SCAI: variants seen among roughly 807,000 people sequenced by gnomAD.
The protein encoded by SCAI is protein SCAI.
In SCAI, 24 loss-of-function variants were observed where a neutral mutation model predicts 92.2. That is an observed-to-expected ratio of 0.26 (90% confidence interval 0.19 to 0.37). The LOEUF (loss-of-function observed/expected upper bound fraction) is 0.37. SCAI is among the 10% of genes least tolerant of loss of function. The probability of loss-of-function intolerance (pLI) is 1.00; values close to 1 mark genes in which losing one functional copy is unlikely to be tolerated. For missense variants in SCAI, 450 were observed against 736.2 expected, an observed-to-expected ratio of 0.61 and a Z score of 4.50; for synonymous variants, 261 against 258.6, an observed-to-expected ratio of 1.01 and a Z score of -0.09.
chr9:125,044,696 C>T (rs551977906), intron 3 of SCAI, among the ~76,000 whole-genome samples: 1 of 152,270 alleles, frequency 6.6e-6, no homozygotes, highest in South Asian at 2.1e-4. Flanking sequence ...GAAACATGCC[C>T]CCTTGCTCGC....
At position 125,103,147 on chromosome 9, in the gene SCAI, T is replaced by C. The variant is rs573381173; in HGVS notation, c.98+39486A>G. On this transcript the variant is annotated intron_variant, in intron 2 of 17. Transcript: ENST00000336505. ...GACATCACCTAGTGCTGAAAATATT[T>C]TTAAATGAACTCCTGAAGAAACTTT... Among the ~76,000 whole-genome samples the C allele has an allele frequency of 5.7e-4, 86 of 152,194 alleles. 1 individual carries two copies. Among genetic ancestry groups the C allele is most frequent in the Non-Finnish European group, 1.1e-3 (73 of 68,036 alleles).
In SCAI at chr9:124,943,764, C is replaced by G. The variant is rs1032694860; in HGVS notation, c.*9043G>C. The G allele has an allele frequency of 6.6e-6, 1 of 152,154 alleles. No individual in the cohort carries two copies. Among genetic ancestry groups the G allele is most frequent in the African/African-American group, 2.4e-5 (1 of 41,444 alleles). The allele number at this position is 152,154 out of a possible 1,614,324, so 9.4% of individuals were successfully genotyped here. ...CTTATTTTAACTCCTATTTGATTAT[C>G]TTAACCTTTAGTGATGATTAGAACT... is the stretch of plus-strand genomic sequence containing the variant. On this transcript the variant is annotated 3_prime_UTR_variant, in exon 18 of 18. Coordinates refer to ENST00000336505, the MANE Select transcript of SCAI (RefSeq NM_001144877.3).
intron 2 of SCAI, among the ~76,000 whole-genome samples, chr9:125,087,140 C>T (rs1438242484): frequency 6.6e-6 from 1 of 152,180 alleles, no homozygotes; most frequent in East Asian, 1.9e-4. Context: ...CTCTACTTCA[C>T]CTCCCATAGA....
intron 17 of SCAI, chr9:124,968,813 G>C: frequency 4.2e-6 from 3 of 711,918 alleles, no homozygotes; most frequent in Non-Finnish European, 7.5e-6. Context: ...GGCCCCAGCA[G>C]CCATAGAGCG....
At chr9:124,963,191 C>T (rs1831475425) in intron 17 of SCAI, among the ~76,000 whole-genome samples, 1 of 151,400 alleles carries the variant, frequency 6.6e-6, no homozygotes, top group Non-Finnish European at 1.5e-5. Flanking sequence ...GGCTGGAGTA[C>T]AATGGTGCAA....
In SCAI at chr9:124,949,641, T is replaced by C. The variant is rs558607495; in HGVS notation, c.*3166A>G. 2 of 152,098 alleles carry C rather than the reference T, an allele frequency of 1.3e-5. No individual in the cohort carries two copies. The highest frequency in any genetic ancestry group is 2.9e-5 in the Non-Finnish European group (2 of 68,004). The allele number at this position is 152,098 out of a possible 1,614,324, so 9.4% of individuals were successfully genotyped here. On this transcript the variant is annotated 3_prime_UTR_variant, in exon 18 of 18. Coordinates refer to ENST00000336505, the MANE Select transcript of SCAI (RefSeq NM_001144877.3). This position sits in a 1 kb window ranked among gnomAD's most constrained non-coding sequence, Gnocchi z 4.0. ...CCACCATGCCCTGCTTGATCACTCT[T>C]TTAAACATTGTTCTTCTCTTAAGAA...
intron 2 of SCAI, among the ~76,000 whole-genome samples, chr9:125,130,668 C>G (rs562228300): frequency 3.0e-4 from 46 of 151,782 alleles, no homozygotes; most frequent in African/African-American, 1.1e-3. Flanking sequence ...TGCACACCAC[C>G]AATCCCGGCT....
chr9:124,965,321 C>T (rs566554507), intron 17 of SCAI, among the ~76,000 whole-genome samples: 30 of 152,264 alleles, frequency 2.0e-4, no homozygotes, highest in Admixed American at 1.2e-3. Context: ...GCAACCTCCG[C>T]CTTCTGGTTT....
chr9:125,052,469 AG>A (rs1434231271), intron 3 of SCAI, among the ~76,000 whole-genome samples: 1 of 151,892 alleles, frequency 6.6e-6, no homozygotes, highest in Non-Finnish European at 1.5e-5. Flanking sequence ...TACTCGGGGT[AG>A]GGGGGCGGTG....
intron 2 of SCAI, among the ~76,000 whole-genome samples, chr9:125,059,431 G>A (rs1300884588): frequency 6.6e-6 from 1 of 152,194 alleles, no homozygotes; most frequent in African/African-American, 2.4e-5. Flanking sequence ...CTAGACAGGA[G>A]TAAATTTCAA....
chr9:125,138,256 T>C (rs897055511), intron 2 of SCAI, among the ~76,000 whole-genome samples: 4,737 of 146,732 alleles, frequency 0.032, 206 homozygotes, highest in African/African-American at 0.11. Context: ...TTTCTTTTTT[T>C]TTTTTTTTTT....
intron 2 of SCAI, among the ~76,000 whole-genome samples, chr9:125,067,430 T>C (rs776979650): frequency 6.6e-6 from 1 of 151,762 alleles, no homozygotes; most frequent in African/African-American, 2.4e-5. Context: ...GAGAATGCCA[T>C]GTGAAGACAG....
Position 125,136,456 on chromosome 9 carries a change from C to CTTTTTTTT in SCAI, c.98+6169_98+6176dup, listed in dbSNP as rs1167871254. Among the ~76,000 whole-genome samples the CTTTTTTTT allele has an allele frequency of 3.3e-4, 31 of 95,224 alleles. 1 individual carries two copies. Among genetic ancestry groups the CTTTTTTTT allele is most frequent in the Non-Finnish European group, 4.7e-4 (23 of 48,566 alleles). The allele number at this position is 95,224 out of a possible 152,430, so 62.5% of individuals were successfully genotyped here. ...GTATAAAACTGATACTAATACCTTT[C>CTTTTTTTT]TTTTTTTTTTTTTTTTTTTTTTGAG... On this transcript the variant is annotated intron_variant, in intron 2 of 17. Coordinates refer to ENST00000336505, the MANE Select transcript of SCAI (RefSeq NM_001144877.3).
chr9:125,044,844 T>A (rs780255581), intron 3 of SCAI, among the ~76,000 whole-genome samples: 1 of 152,138 alleles, frequency 6.6e-6, no homozygotes, highest in South Asian at 2.1e-4. Context: ...ACCACCACCA[T>A]GTTCCCCTCG....
At chr9:125,047,869 ATAT>A (rs1200912780) in intron 3 of SCAI, among the ~76,000 whole-genome samples, 3 of 152,334 alleles carry the variant, frequency 2.0e-5, no homozygotes, top group East Asian at 3.9e-4. Context: ...ATTGGATCAA[ATAT>A]TATTAAAATT....
rs534141964 is a variant in SCAI, at chr9:125,120,248, T to C, written c.98+22385A>G. On this transcript the variant is annotated intron_variant, in intron 2 of 17. Coordinates refer to ENST00000336505, the MANE Select transcript of SCAI (RefSeq NM_001144877.3). ...TATACCAAAGTTGACTTTTTGTTAA[T>C]AGTATTTATTGGTTTTTATTAAGTA... Among the ~76,000 whole-genome samples the C allele has an allele frequency of 7.9e-5, 12 of 152,344 alleles. No individual in the cohort carries two copies. In the East Asian group the frequency reaches 2.3e-3, roughly 29 times the overall value.
At chr9:124,983,471 G>A (rs1317537373) in intron 14 of SCAI, among the ~76,000 whole-genome samples, 3 of 152,182 alleles carry the variant, frequency 2.0e-5, no homozygotes, top group Non-Finnish European at 4.4e-5. Context: ...CCCTGCCTCA[G>A]CCTCCCTACT....
chr9:125,106,438 T>C (rs546573502), intron 2 of SCAI, among the ~76,000 whole-genome samples: 1 of 151,852 alleles, frequency 6.6e-6, no homozygotes, highest in South Asian at 2.1e-4. Flanking sequence ...TCTTGGCACA[T>C]GTAAACTGCT....
intron 14 of SCAI, among the ~76,000 whole-genome samples, chr9:124,986,328 T>TA (rs1478217057): frequency 6.6e-6 from 1 of 151,976 alleles, no homozygotes; most frequent in Non-Finnish European, 1.5e-5. Context: ...ATGGAATACT[T>TA]AAAAAAGAAT....
Sources: allele counts gnomAD v4.1 joint callset (sites outside exome capture counted in the v4.1 genomes callset), GRCh38; gene constraint gnomAD v4.1.1; non-coding constraint Gnocchi (gnomAD v3.1); transcripts MANE v1.5; gene names NCBI Gene and HGNC (gene_info 2026-07-23, HGNC 2026-07-21).